Variants in TRPM3 observed in about 807,000 individuals in gnomAD.
The protein encoded by TRPM3 is transient receptor potential cation channel subfamily M member 3, also known as long transient receptor potential channel 3.
Under a neutral mutation model 181.2 loss-of-function variants are expected in TRPM3, and 77 were observed. The ratio of observed to expected loss-of-function variants is 0.42; its 90% CI spans 0.35 to 0.51. TRPM3 has a LOEUF of 0.51. Among genes scored for constraint, TRPM3 ranks in the 20% least tolerant of loss-of-function variants. The pLI, the probability that TRPM3 is intolerant of heterozygous loss-of-function variation, is 0.01. For missense variants in TRPM3, 1,759 were observed against 2,196.7 expected (o/e 0.80, Z 3.98); for synonymous variants, 745 against 796.4 (o/e 0.94, Z 1.09).
chr9:70,694,646 A>G (rs1277209006), intron 8 of TRPM3, among the ~76,000 whole-genome samples: 4 of 151,960 alleles, frequency 2.6e-5, no homozygotes, highest in African/African-American at 4.8e-5. Flanking sequence ...ACGCCCGGCT[A>G]ATTTTTTGTA....
rs5898171 is a variant in TRPM3 at position 70,948,117 on chromosome 9, ATT to A, written c.178-83608_178-83607del. On this transcript the variant is annotated intron_variant, in intron 1 of 25. Transcript: ENST00000677713. ...TTTTTACTCTCACATTGAAAAGCCA[ATT>A]TTTTTTTTTTTTGTCTTTCAGATAG... is the stretch of plus-strand genomic sequence containing the variant. Among the ~76,000 whole-genome samples, 796 of 143,782 alleles carry A rather than the reference ATT, an allele frequency of 5.5e-3. 6 individuals carry two copies. Among genetic ancestry groups the A allele is most frequent in the African/African-American group, 0.018 (678 of 38,376 alleles). 94.3% of individuals were successfully genotyped at this position (143,782 alleles called of 152,430 possible). A position where few individuals can be genotyped will look rare whatever the true frequency, so the allele number is the denominator to read the frequency against.
intron 1 of TRPM3, among the ~76,000 whole-genome samples, chr9:71,052,875 T>G (rs1221650753): frequency 6.6e-6 from 1 of 152,070 alleles, no homozygotes; most frequent in African/African-American, 2.4e-5. Context: ...GGAGTCCATG[T>G]GAGATAATTA....
rs1311944355 is a variant in TRPM3 at position 71,107,502 on chromosome 9, A to G, written c.177+13676T>C. Among the ~76,000 whole-genome samples the G allele has an allele frequency of 1.3e-5, 2 of 152,112 alleles. 1 individual carries two copies. Among genetic ancestry groups the G allele is most frequent in the East Asian group, 3.9e-4 (2 of 5,186 alleles). ...CCAATTTCTTTGTCTCCTCAATTCC[A>G]ATATTAGCTCCTTTTGATCAAAGGC... On this transcript the variant is annotated intron_variant, in intron 1 of 25. Coordinates refer to ENST00000677713, the MANE Select transcript of TRPM3 (RefSeq NM_001366145.2).
At chr9:70,743,508 C>A (rs1043145033) in intron 8 of TRPM3, among the ~76,000 whole-genome samples, 6 of 152,052 alleles carry the variant, frequency 3.9e-5, no homozygotes, top group Non-Finnish European at 8.8e-5. Context: ...TCAGTGATAG[C>A]CATTCCTTAC....
intron 1 of TRPM3, among the ~76,000 whole-genome samples, chr9:71,057,176 G>A (rs1176906498): frequency 6.6e-6 from 1 of 151,936 alleles, no homozygotes; most frequent in Non-Finnish European, 1.5e-5. Flanking sequence ...ACTTGCCCAG[G>A]GGATCCTATG....
intron 6 of TRPM3, among the ~76,000 whole-genome samples, chr9:70,802,093 G>C (rs2089275621): frequency 6.6e-6 from 1 of 152,186 alleles, no homozygotes; most frequent in African/African-American, 2.4e-5. Flanking sequence ...ATTGTTGCTG[G>C]TCCCAGGACC....
At chr9:71,410,323 G>A (rs760174146) in intron 1 of TRPM3, among the ~76,000 whole-genome samples, 7 of 152,022 alleles carry the variant, frequency 4.6e-5, no homozygotes, top group Non-Finnish European at 8.8e-5. Context: ...GAATCCAGGA[G>A]CTGGTTTTTT....
At chr9:71,387,141 C>T (rs1425282456) in intron 1 of TRPM3, among the ~76,000 whole-genome samples, 6 of 152,086 alleles carry the variant, frequency 3.9e-5, no homozygotes, top group Non-Finnish European at 7.4e-5. Flanking sequence ...AAATTAGACT[C>T]GATTTTTGAA....
intron 1 of TRPM3, among the ~76,000 whole-genome samples, chr9:71,195,231 A>G (rs1045132645): frequency 6.6e-6 from 1 of 152,118 alleles, no homozygotes; most frequent in Non-Finnish European, 1.5e-5. Flanking sequence ...AACCTACAGA[A>G]TGGGAGAACA....
intron 25 of TRPM3, among the ~76,000 whole-genome samples, chr9:70,537,639 T>C (rs2042134801): frequency 6.6e-6 from 1 of 152,216 alleles, no homozygotes; most frequent in South Asian, 2.1e-4. Context: ...AATCCAATGA[T>C]TTTTTATTGT....
intron 1 of TRPM3, among the ~76,000 whole-genome samples, chr9:71,398,324 C>T (rs1355802512): frequency 6.6e-6 from 1 of 152,154 alleles, no homozygotes; most frequent in Non-Finnish European, 1.5e-5. Context: ...AGGATTAATA[C>T]ACTATTTTTC....
intron 1 of TRPM3, among the ~76,000 whole-genome samples, chr9:71,444,687 T>C (rs768042649): frequency 1.3e-5 from 2 of 152,240 alleles, no homozygotes; most frequent in African/African-American, 2.4e-5. Flanking sequence ...AGCATTATGA[T>C]TTCCTTCCTC....
At position 70,615,852 on chromosome 9, in the gene TRPM3, G is replaced by A. The variant is rs547260850; in HGVS notation, c.2526+56C>T. The A allele has an allele frequency of 2.6e-6, 4 of 1,519,668 alleles. No homozygotes were observed. In the African/African-American group the frequency reaches 5.6e-5, roughly 21 times the overall value. 94.1% of individuals were successfully genotyped at this position (1,519,668 alleles called of 1,614,324 possible). A position where few individuals can be genotyped will look rare whatever the true frequency, so the allele number is the denominator to read the frequency against. On this transcript the variant is annotated intron_variant, in intron 18 of 25. Transcript: ENST00000677713. ...TTACTGAATCTTGAGCATATCGGTG[G>A]GACAAGTGGATTAGGAATTCTGCCC...
At chr9:70,931,454 T>C (rs1239261448) in intron 1 of TRPM3, among the ~76,000 whole-genome samples, 3 of 152,044 alleles carry the variant, frequency 2.0e-5, no homozygotes, top group Admixed American at 2.0e-4. Flanking sequence ...CTGAAGTTGA[T>C]TGGAGACAGA....
chr9:70,977,581 C>G (rs1051483981), intron 1 of TRPM3, among the ~76,000 whole-genome samples: 4 of 152,150 alleles, frequency 2.6e-5, no homozygotes, highest in African/African-American at 9.7e-5. Context: ...TAGCACAGAC[C>G]CCACACATTA....
At chr9:71,059,410 C>G (rs1326930126) in intron 1 of TRPM3, among the ~76,000 whole-genome samples, 1 of 152,142 alleles carries the variant, frequency 6.6e-6, no homozygotes, top group Admixed American at 6.6e-5. Flanking sequence ...AAGGACCTAA[C>G]AGTCTCCCTG....
chr9:71,048,785 G>A lies in TRPM3; in HGVS notation c.177+72393C>T, dbSNP rs905088333. Among the ~76,000 whole-genome samples the A allele has an allele frequency of 3.3e-5, 5 of 152,168 alleles. No homozygotes were observed. In the South Asian group the frequency reaches 6.2e-4, roughly 19 times the overall value. On this transcript the variant is annotated intron_variant, in intron 1 of 25. Transcript: ENST00000677713. ...GAGTGAAAAGCAGTGTCCAATTTCT[G>A]AGACTACCTCAGAAAGCAAAACCTC...
At chr9:70,957,322 A>G (rs1366687994) in intron 1 of TRPM3, among the ~76,000 whole-genome samples, 3 of 152,140 alleles carry the variant, frequency 2.0e-5, no homozygotes, top group Non-Finnish European at 4.4e-5. Flanking sequence ...TTGCAACAAC[A>G]AAGTCATCTT....
intron 20 of TRPM3, among the ~76,000 whole-genome samples, chr9:70,602,222 A>G (rs1362378966): frequency 1.3e-5 from 2 of 152,004 alleles, no homozygotes; most frequent in Non-Finnish European, 2.9e-5. Flanking sequence ...CAAATAGTTT[A>G]AAAACTCAAG....
Sources: allele counts gnomAD v4.1 joint callset (sites outside exome capture counted in the v4.1 genomes callset), GRCh38; gene constraint gnomAD v4.1.1; transcripts MANE v1.5; gene names NCBI Gene and HGNC (gene_info 2026-07-23, HGNC 2026-07-21).